The following ELOVL5 variants were observed in gnomAD, a reference collection of about 807,000 sequenced individuals.
ELOVL5 encodes the protein ELOVL fatty acid elongase 5.
ELOVL5 carries 8 observed loss-of-function variants against 38.6 expected under a neutral mutation model. The ratio of observed to expected loss-of-function variants is 0.21; its 90% CI spans 0.12 to 0.37. The LOEUF is 0.37. Among genes scored for constraint, ELOVL5 ranks in the 10% least tolerant of loss-of-function variants. The pLI, the probability that ELOVL5 is intolerant of heterozygous loss-of-function variation, is 1.00. For synonymous variants in ELOVL5, 127 were observed against 133.7 expected (o/e 0.95, Z 0.34); for missense variants, 280 against 367.8 (o/e 0.76, Z 1.95).
intron 1 of ELOVL5, among the ~76,000 whole-genome samples, chr6:53,311,282 T>C (rs1257491483): frequency 1.3e-5 from 2 of 152,210 alleles, no homozygotes; most frequent in East Asian, 1.9e-4. Flanking sequence ...AAAAGACCCA[T>C]GTAATAACCA....
intron 1 of ELOVL5, among the ~76,000 whole-genome samples, chr6:53,309,945 C>G (rs1018113491): frequency 6.6e-6 from 1 of 152,164 alleles, no homozygotes; most frequent in African/African-American, 2.4e-5. Context: ...CCTCAGAAAA[C>G]GTGTGTGACA....
At chr6:53,301,993 C>A (rs1767274609) in intron 1 of ELOVL5, among the ~76,000 whole-genome samples, 1 of 152,150 alleles carries the variant, frequency 6.6e-6, no homozygotes, top group Admixed American at 6.5e-5. Flanking sequence ...GACTCACCCC[C>A]ACCACCATGG....
In ELOVL5 at chr6:53,269,223, G is replaced by T; in HGVS notation, c.804C>A (p.Asp268Glu). 6.2e-7 allele frequency: 1 copy of T among 1,613,294 alleles called. No individual in the cohort carries two copies. Among genetic ancestry groups the T allele is most frequent in the South Asian group, 1.1e-5 (1 of 90,936 alleles). The change falls in exon 8 of 8, where the codon GAC becomes GAA. Residue 268 changes from aspartate to glutamate, a missense_variant. Physicochemically the swap from Asp to Glu is conservative, Grantham distance 45 (BLOSUM62 2). This residue lies in a region of ELOVL5 where 125 missense variants were observed against 158.9 expected (regional missense o/e 0.79). Coordinates refer to ENST00000304434, the MANE Select transcript of ELOVL5 (RefSeq NM_021814.5). ...CAGCAGCCATGGACCCATTCTGGTGGTCCTTCAGGTGGTCTTTCCTTCGGG... is the reference window on the plus strand; with the variant it reads ...CAGCAGCCATGGACCCATTCTGGTGTTCCTTCAGGTGGTCTTTCCTTCGGG... ...GASRRKDHLKDHQNGSMAAVN... is the reference protein window; with the variant it reads ...GASRRKDHLKEHQNGSMAAVN...
chr6:53,311,776 G>A (rs574594654), intron 1 of ELOVL5, among the ~76,000 whole-genome samples: 1 of 152,286 alleles, frequency 6.6e-6, no homozygotes, highest in South Asian at 2.1e-4. Context: ...TCCAGAATAG[G>A]CAGATCCATC....
chr6:53,285,119 G>C (rs1197663907), intron 3 of ELOVL5, among the ~76,000 whole-genome samples: 3 of 152,172 alleles, frequency 2.0e-5, no homozygotes, highest in Non-Finnish European at 4.4e-5. Flanking sequence ...AGCTTAGTGA[G>C]GAAGGCAGGT....
chr6:53,293,191 A>T (rs1766841680), intron 2 of ELOVL5, among the ~76,000 whole-genome samples: 1 of 152,142 alleles, frequency 6.6e-6, no homozygotes, highest in Non-Finnish European at 1.5e-5. Context: ...TGGCTCCTCA[A>T]TCTTAACTAC....
intron 1 of ELOVL5, 135 bp downstream of exon 1, chr6:53,348,682 C>T (rs1769692535): frequency 2.8e-6 from 1 of 353,730 alleles, no homozygotes; most frequent in African/African-American, 2.3e-5. Context: ...GCGGGTTGCC[C>T]CGGCAGCTCT....
chr6:53,333,372 A>G (rs1393928150), intron 1 of ELOVL5, among the ~76,000 whole-genome samples: 2 of 152,224 alleles, frequency 1.3e-5, no homozygotes, highest in Non-Finnish European at 2.9e-5. Context: ...AACCAGGTAG[A>G]CTGTCTCATT....
At chr6:53,319,250 G>A (rs1404642764) in intron 1 of ELOVL5, among the ~76,000 whole-genome samples, 5 of 111,044 alleles carry the variant, frequency 4.5e-5, no homozygotes, top group African/African-American at 1.1e-4. Flanking sequence ...CAGCCTGGGC[G>A]ACAGAGCGAG....
chr6:53,345,357 T>C (rs950100409), intron 1 of ELOVL5, among the ~76,000 whole-genome samples: 1 of 152,164 alleles, frequency 6.6e-6, no homozygotes, highest in Admixed American at 6.5e-5. Context: ...ACCAAAAGCA[T>C]CCTGACCAAT....
At chr6:53,334,105 A>G (rs1768933591) in intron 1 of ELOVL5, among the ~76,000 whole-genome samples, 1 of 152,228 alleles carries the variant, frequency 6.6e-6, no homozygotes, top group Admixed American at 6.5e-5. Context: ...TTCTGAAACC[A>G]AAAACTTTTA....
chr6:53,332,260 A>G (rs1392296317), intron 1 of ELOVL5, among the ~76,000 whole-genome samples: 1 of 152,210 alleles, frequency 6.6e-6, no homozygotes, highest in African/African-American at 2.4e-5. Context: ...TACATTCAGT[A>G]TGGTATTAAG....
At chr6:53,308,407 C>G (rs1474784663) in intron 1 of ELOVL5, among the ~76,000 whole-genome samples, 1 of 152,194 alleles carries the variant, frequency 6.6e-6, no homozygotes, top group East Asian at 1.9e-4. Flanking sequence ...GCTAGAGTGT[C>G]TGGATCTGTG....
rs146826162 is a variant in ELOVL5, at chr6:53,288,448, G to A, written c.246+3328C>T. On this transcript the variant is annotated intron_variant, in intron 3 of 7. Transcript: ENST00000304434. ...TGTGATATTAGACAACCCCTAATAA[G>A]CAAAAGCAAAAAGGATTGCTATAAA... Among the ~76,000 whole-genome samples the A allele has an allele frequency of 8.5e-5, 13 of 152,104 alleles. No individual in the cohort carries two copies. In the East Asian group the frequency reaches 2.3e-3, roughly 27 times the overall value.
Position 53,348,800 on chromosome 6 carries a change from G to C in ELOVL5, c.-9+17C>G, listed in dbSNP as rs1284248656. ...GCGGCGGCCCCCGACGAAGTTTCCC[G>C]GAGCTGACGGCTTTACCTTTTAGCC... On this transcript the variant is annotated intron_variant, in intron 1 of 7. Coordinates refer to ENST00000304434, the MANE Select transcript of ELOVL5 (RefSeq NM_021814.5). The C allele has an allele frequency of 4.4e-6, 2 of 454,180 alleles. No individual in the cohort carries two copies. The highest frequency in any genetic ancestry group is 8.8e-6 in the Non-Finnish European group (2 of 226,244). 28.1% of individuals were successfully genotyped at this position (454,180 alleles called of 1,614,324 possible).
chr6:53,348,891 C>A lies in ELOVL5; in HGVS notation c.-83G>T, dbSNP rs772472251. The stretch of plus-strand genomic sequence containing the variant: ...CGGCGGAGGGAGCGCGGGTGGCAGC[C>A]GGCGCAGAGGCGGATGTAGAAGGAG... On this transcript the variant is annotated 5_prime_UTR_variant, in exon 1 of 8. Transcript: ENST00000304434. 3 of 453,866 alleles carry A rather than the reference C, an allele frequency of 6.6e-6. No homozygotes were observed. The highest frequency in any genetic ancestry group is 4.6e-5 in the South Asian group (3 of 64,828). 28.1% of individuals were successfully genotyped at this position (453,866 alleles called of 1,614,324 possible). A position where few individuals can be genotyped will look rare whatever the true frequency, so the allele number is the denominator to read the frequency against.
intron 1 of ELOVL5, among the ~76,000 whole-genome samples, chr6:53,343,722 G>A (rs780796902): frequency 1.3e-5 from 2 of 152,224 alleles, no homozygotes; most frequent in Admixed American, 1.3e-4. Context: ...TTCTATACAA[G>A]AATGAGGCAC....
At chr6:53,316,746 G>T (rs981767151) in intron 1 of ELOVL5, among the ~76,000 whole-genome samples, 1 of 151,512 alleles carries the variant, frequency 6.6e-6, no homozygotes, top group Non-Finnish European at 1.5e-5. Flanking sequence ...CACACTGGAG[G>T]GGGGTGCCAT....
chr6:53,295,881 T>C (rs564326061), intron 1 of ELOVL5, among the ~76,000 whole-genome samples, 174 bp from the exon 2 acceptor site: 3 of 152,212 alleles, frequency 2.0e-5, no homozygotes, highest in Admixed American at 2.0e-4. Flanking sequence ...TAGATCTAAC[T>C]TGAAGATCAA....
Sources: gnomAD v4.1 joint callset for allele counts (sites outside exome capture counted in the v4.1 genomes callset) on GRCh38, gnomAD v4.1.1 for gene constraint, gnomAD v4.1.1 regional missense constraint, MANE v1.5 for transcripts, NCBI Gene and HGNC (gene_info 2026-07-23, HGNC 2026-07-21) for gene names.